The following GGT7 variants were observed in gnomAD, a reference collection of about 807,000 sequenced individuals.
GGT7 encodes glutathione hydrolase 7.
Under a neutral mutation model 69.2 loss-of-function variants are expected in GGT7, and 30 were observed. The observed-to-expected ratio is 0.43, with a 90% CI of 0.32 to 0.59. GGT7 has a LOEUF of 0.59. Ranked by LOEUF, GGT7 falls within the 20% of genes least tolerant of loss-of-function variation. GGT7 has a pLI of 0.05. For missense variants in GGT7, 733 were observed against 901.1 expected (o/e 0.81, Z 2.39); for synonymous variants, 388 against 391.8 (o/e 0.99, Z 0.12).
intron 7 of GGT7, 51 bp downstream of exon 7, chr20:34,859,392 T>C (rs2079545043): frequency 7.0e-7 from 1 of 1,428,186 alleles, no homozygotes; most frequent in Non-Finnish European, 9.5e-7. Flanking sequence ...GCGGATGTCC[T>C]GCAATAGGGA....
chr20:34,852,048 T>C (rs975896816), intron 12 of GGT7, 107 bp downstream of exon 12: 1 of 783,166 alleles, frequency 1.3e-6, no homozygotes, highest in African/African-American at 1.7e-5. Context: ...TAGGCTTCCT[T>C]ATACTAGAAG....
intron 8 of GGT7, among the ~76,000 whole-genome samples, chr20:34,855,789 CTGTGTGTG>C (rs3138662): frequency 4.2e-5 from 6 of 144,058 alleles, no homozygotes; most frequent in African/African-American, 1.6e-4. Context: ...TTTTTCTTTT[CTGTGTGTG>C]TGTGTGTGTG....
chr20:34,868,895 A>C (rs1214228732), intron 1 of GGT7, among the ~76,000 whole-genome samples: 1 of 152,200 alleles, frequency 6.6e-6, no homozygotes, highest in African/African-American at 2.4e-5. Context: ...GCAGAGCAAA[A>C]GATGGAGAAA....
chr20:34,850,427 G>C (rs1399058753), intron 13 of GGT7, among the ~76,000 whole-genome samples: 1 of 152,182 alleles, frequency 6.6e-6, no homozygotes, highest in African/African-American at 2.4e-5. Context: ...TAACTTAGTG[G>C]TTAGGAGTGT....
At position 34,872,837 on chromosome 20, in the gene GGT7, G is replaced by C; in HGVS notation, c.-22C>G. The stretch of plus-strand genomic sequence containing the variant: ...CCATCCTCGCCCGCGCCCCCCAGCA[G>C]CGCAGCGCCTGCCGGAAGTGGCTGC... On this transcript the variant is annotated 5_prime_UTR_variant, in exon 1 of 15. Transcript: ENST00000336431. 1 of 1,324,898 alleles carries C rather than the reference G, an allele frequency of 7.5e-7. No homozygotes were observed. The allele number at this position is 1,324,898 out of a possible 1,614,324, so 82.1% of individuals were successfully genotyped here.
chr20:34,862,991 G>A (rs1243103271), intron 2 of GGT7, 26 bp from the exon 3 acceptor site: 7 of 1,601,498 alleles, frequency 4.4e-6, no homozygotes, highest in Non-Finnish European at 6.0e-6. Context: ...GGACTTGGTG[G>A]GGGCAGGAGG....
At position 34,863,687 on chromosome 20, in the gene GGT7, C is replaced by G. The variant is rs2079640734; in HGVS notation, c.170-139G>C. Reference sequence around the variant, plus strand: ...CTGGCTAGCACTACTCACCTTTCCTCATTTTCGCGTGCACCCCAGGACAGG... The same window carrying G: ...CTGGCTAGCACTACTCACCTTTCCTGATTTTCGCGTGCACCCCAGGACAGG... On this transcript the variant is annotated intron_variant, in intron 1 of 14. Coordinates refer to ENST00000336431, the MANE Select transcript of GGT7 (RefSeq NM_178026.3). This position sits in a 1 kb window ranked among gnomAD's most constrained non-coding sequence, Gnocchi z 4.4. The G allele has an allele frequency of 2.7e-6, 2 of 739,024 alleles. No individual in the cohort carries two copies. The highest frequency in any genetic ancestry group is 3.0e-5 in the South Asian group (2 of 67,192). 45.8% of individuals were successfully genotyped at this position (739,024 alleles called of 1,614,324 possible). A position where few individuals can be genotyped will look rare whatever the true frequency, so the allele number is the denominator to read the frequency against.
At chr20:34,856,724 G>A (rs1291984134) in intron 8 of GGT7, 82 bp downstream of exon 8, 1 of 773,506 alleles carries the variant, frequency 1.3e-6, no homozygotes, top group South Asian at 1.5e-5. Context: ...AAATGGAGAG[G>A]AGTCTCTAGG....
chr20:34,852,503 T>C lies in GGT7; in HGVS notation c.1355A>G (p.Asn452Ser), dbSNP rs749933146. The C allele has an allele frequency of 1.9e-6, 3 of 1,600,180 alleles. No homozygotes were observed. Among genetic ancestry groups the C allele is most frequent in the South Asian group, 1.1e-5 (1 of 89,344 alleles). The change falls in exon 11 of 15, where the codon AAT becomes AGT. Residue 452 changes from asparagine to serine, a missense_variant. Asn to Ser is a conservative substitution (Grantham distance 46). Transcript: ENST00000336431. ...TGGGGCAGGGGCTGCCTGGGAGTCA[T>C]TGATATGGCCCCGGAGGTAGGCGGC... Reference protein sequence around the residue: ...VEAAYLRGHINDSQAAPAPLL... With the variant: ...VEAAYLRGHISDSQAAPAPLL...
intron 3 of GGT7, among the ~76,000 whole-genome samples, chr20:34,861,974 CAA>C (rs2079603789): frequency 6.6e-6 from 1 of 152,146 alleles, no homozygotes; most frequent in Non-Finnish European, 1.5e-5. Flanking sequence ...CATGCAAAAC[CAA>C]AAGAGGAATT....
chr20:34,850,002 C>T lies in GGT7; in HGVS notation c.1784G>A (p.Arg595His), dbSNP rs1009272224. ...RNLSDSLARG[R>H]LHPDLQSNLL... ...GTTGGACTGCAGGTCCGGGTGTAGG[C>T]GGCCGCGGGCCAGGCTGTCACTCAG... The change falls in exon 14 of 15, where the codon CGC (arginine) becomes CAC (histidine). Residue 595 changes from arginine to histidine, a missense_variant. Transcript: ENST00000336431. The T allele has an allele frequency of 6.2e-6, 10 of 1,613,634 alleles. No individual in the cohort carries two copies. The highest frequency in any genetic ancestry group is 2.2e-5 in the East Asian group (1 of 44,884).
chr20:34,867,949 C>T (rs1162897532), intron 1 of GGT7, among the ~76,000 whole-genome samples: 1 of 152,178 alleles, frequency 6.6e-6, no homozygotes, highest in Admixed American at 6.5e-5. Context: ...CTGCAACCTC[C>T]GCCTTTGGGT....
At position 34,863,042 on chromosome 20, in the gene GGT7, C is replaced by G. The variant is rs1236405419; in HGVS notation, c.406-77G>C. 1 of 1,400,728 alleles carries G rather than the reference C, an allele frequency of 7.1e-7. No individual in the cohort carries two copies. Among genetic ancestry groups the G allele is most frequent in the Non-Finnish European group, 9.8e-7 (1 of 1,021,516 alleles). 86.8% of individuals were successfully genotyped at this position (1,400,728 alleles called of 1,614,324 possible). ...TAGGGCACCTCCACTAGCCCTAGAA[C>G]TCTACGCGGCATGAAGGTCGAAGCC... On this transcript the variant is annotated intron_variant, in intron 2 of 14. Transcript: ENST00000336431. This position sits in a 1 kb window ranked among gnomAD's most constrained non-coding sequence, Gnocchi z 4.4.
chr20:34,859,369 A>T, intron 7 of GGT7, 74 bp downstream of exon 7: 4 of 1,193,976 alleles, frequency 3.4e-6, no homozygotes, highest in Non-Finnish European at 4.6e-6. Flanking sequence ...GGAAGGAAGG[A>T]AAAAATGCGG....
At chr20:34,851,131 C>T (rs2146886912) in intron 13 of GGT7, 100 bp downstream of exon 13, 5 of 1,448,488 alleles carry the variant, frequency 3.5e-6, no homozygotes, top group East Asian at 4.5e-5. Context: ...ATGTTTGCCG[C>T]ATGAGGAATG....
chr20:34,846,610 C>T (rs2079310977), intron 14 of GGT7, among the ~76,000 whole-genome samples: 1 of 152,016 alleles, frequency 6.6e-6, no homozygotes. Flanking sequence ...GCGCCTGGCC[C>T]CCTGCCTTTC....
At chr20:34,849,374 C>G (rs566073554) in intron 14 of GGT7, among the ~76,000 whole-genome samples, 1 of 151,928 alleles carries the variant, frequency 6.6e-6, no homozygotes, top group Non-Finnish European at 1.5e-5. Flanking sequence ...GGGGGTCTCA[C>G]TATGTTACTG....
At chr20:34,853,826 T>C (rs1363252218) in intron 10 of GGT7, among the ~76,000 whole-genome samples, 1 of 152,064 alleles carries the variant, frequency 6.6e-6, no homozygotes, top group African/African-American at 2.4e-5. Flanking sequence ...TAGCGAAGGG[T>C]CAAGCTGGAA....
intron 9 of GGT7, 66 bp downstream of exon 9, chr20:34,854,730 G>A: frequency 6.2e-7 from 1 of 1,603,538 alleles, no homozygotes; most frequent in South Asian, 1.1e-5. Context: ...CTGCCCTATG[G>A]CAGTACCCAA....
Sources: allele counts gnomAD v4.1 joint callset (sites outside exome capture counted in the v4.1 genomes callset), GRCh38; gene constraint gnomAD v4.1.1; non-coding constraint Gnocchi (gnomAD v3.1); transcripts MANE v1.5; gene names NCBI Gene and HGNC (gene_info 2026-07-23, HGNC 2026-07-21).